SUSD4: variants seen among roughly 807,000 people sequenced by gnomAD.
SUSD4 encodes sushi domain-containing protein 4.
In SUSD4, 41 loss-of-function variants were observed where a neutral mutation model predicts 50.5. The observed-to-expected ratio is 0.81, with a 90% CI of 0.63 to 1.05. The LOEUF (loss-of-function observed/expected upper bound fraction) is 1.05, where lower values mean the gene tolerates loss of function less well. SUSD4 is among the 50% of genes least tolerant of loss of function. The pLI, the probability that SUSD4 is intolerant of heterozygous loss-of-function variation, is 0.00. For missense variants in SUSD4, 580 were observed against 634.7 expected (o/e 0.91, Z 0.93); for synonymous variants, 257 against 257.3 (o/e 1.00, Z 0.01).
At chr1:223,232,069 A>C (rs983949227) in intron 5 of SUSD4, among the ~76,000 whole-genome samples, 1 of 152,250 alleles carries the variant, frequency 6.6e-6, no homozygotes, top group African/African-American at 2.4e-5. Flanking sequence ...AACCAGGCAC[A>C]GAAAGACAAG....
intron 2 of SUSD4, among the ~76,000 whole-genome samples, chr1:223,295,813 G>A (rs1558225230): frequency 6.6e-6 from 1 of 151,094 alleles, no homozygotes; most frequent in Admixed American, 6.6e-5. Flanking sequence ...TGCACTTTGT[G>A]CACATGTACC....
chr1:223,302,955 C>T (rs902883129), intron 2 of SUSD4, among the ~76,000 whole-genome samples: 6 of 152,146 alleles, frequency 3.9e-5, no homozygotes, highest in African/African-American at 9.7e-5. Context: ...CTCGGCAACA[C>T]AACAAGACCA....
chr1:223,299,540 TAA>T (rs1191600063), intron 2 of SUSD4, among the ~76,000 whole-genome samples: 2 of 152,164 alleles, frequency 1.3e-5, no homozygotes, highest in African/African-American at 4.8e-5. Context: ...CACTTATATA[TAA>T]GAGATAGCCT....
At chr1:223,312,389 C>A (rs73122273) in intron 2 of SUSD4, among the ~76,000 whole-genome samples, 1 of 152,146 alleles carries the variant, frequency 6.6e-6, no homozygotes, top group Non-Finnish European at 1.5e-5. Context: ...ATCACTCACT[C>A]GGGCTCCTGG....
intron 3 of SUSD4, among the ~76,000 whole-genome samples, chr1:223,282,943 G>A: frequency 6.6e-6 from 1 of 152,162 alleles, no homozygotes. Flanking sequence ...CCACACATCT[G>A]CAACCATCTG....
In SUSD4 at chr1:223,229,101, G is replaced by A. The variant is rs72743891; in HGVS notation, c.916+96C>T. 22,262 of 1,249,362 alleles carry A rather than the reference G, an allele frequency of 0.018. 268 individuals are homozygous for A. The highest frequency in any genetic ancestry group is 0.022 in the Non-Finnish European group (19,460 of 895,236). The allele number at this position is 1,249,362 out of a possible 1,614,324, so 77.4% of individuals were successfully genotyped here. ...ATCCTGTTCCTGACACTGGGTGGGGGAGGAGAGATACAGCTTGGTACATAA... is the reference window on the plus strand; with the variant it reads ...ATCCTGTTCCTGACACTGGGTGGGGAAGGAGAGATACAGCTTGGTACATAA... On this transcript the variant is annotated intron_variant, in intron 6 of 8. Transcript: ENST00000366878. This position sits in a 1 kb window ranked among gnomAD's most constrained non-coding sequence, Gnocchi z 4.7.
chr1:223,304,264 G>C (rs922752451), intron 2 of SUSD4, among the ~76,000 whole-genome samples: 1 of 152,180 alleles, frequency 6.6e-6, no homozygotes, highest in Non-Finnish European at 1.5e-5. Flanking sequence ...GCTCTCTGCA[G>C]GGGGAAGCAC....
At chr1:223,349,198 A>G (rs1489545442) in intron 2 of SUSD4, among the ~76,000 whole-genome samples, 1 of 152,204 alleles carries the variant, frequency 6.6e-6, no homozygotes, top group African/African-American at 2.4e-5. Flanking sequence ...AACAAAGAAA[A>G]TGTTTTGAGT....
intron 3 of SUSD4, among the ~76,000 whole-genome samples, chr1:223,274,877 G>A (rs558733378): frequency 1.3e-5 from 2 of 151,524 alleles, no homozygotes; most frequent in African/African-American, 4.8e-5. Flanking sequence ...TTTTTTTTCT[G>A]GCCACAATGA....
At chr1:223,269,337 G>C (rs1198521505) in intron 3 of SUSD4, among the ~76,000 whole-genome samples, 2 of 152,204 alleles carry the variant, frequency 1.3e-5, no homozygotes, top group African/African-American at 4.8e-5. Flanking sequence ...ACGTTTATAG[G>C]AGAAGAGGCA....
chr1:223,363,569 C>T (rs1182758267), intron 1 of SUSD4, 109 bp from the exon 2 acceptor site: 1 of 1,277,000 alleles, frequency 7.8e-7, no homozygotes, highest in African/African-American at 1.5e-5. Context: ...AGGCTCCATC[C>T]TGGTTCCTCC....
chr1:223,326,575 G>C (rs1467111811), intron 2 of SUSD4, among the ~76,000 whole-genome samples: 2 of 152,010 alleles, frequency 1.3e-5, no homozygotes, highest in Non-Finnish European at 2.9e-5. Flanking sequence ...CAGAATGAAA[G>C]AAAATATTTG....
chr1:223,279,853 C>G (rs567722248), intron 3 of SUSD4, among the ~76,000 whole-genome samples: 1 of 152,256 alleles, frequency 6.6e-6, no homozygotes, highest in East Asian at 1.9e-4. Context: ...GTTAGGTTAC[C>G]CACAAAGGGA....
intron 2 of SUSD4, among the ~76,000 whole-genome samples, chr1:223,344,555 C>A (rs530379758): frequency 6.6e-6 from 1 of 152,100 alleles, no homozygotes; most frequent in African/African-American, 2.4e-5. Flanking sequence ...TGCTCACCCC[C>A]GAGAAAAGCT....
intron 2 of SUSD4, among the ~76,000 whole-genome samples, chr1:223,306,969 G>GC (rs928849436): frequency 6.6e-6 from 1 of 151,110 alleles, no homozygotes; most frequent in African/African-American, 2.4e-5. Context: ...TTTTGGGGGG[G>GC]GGTGTCCCTT....
At chr1:223,276,196 C>T (rs1663255824) in intron 3 of SUSD4, among the ~76,000 whole-genome samples, 1 of 152,226 alleles carries the variant, frequency 6.6e-6, no homozygotes, top group South Asian at 2.1e-4. Context: ...GGAAATCCCC[C>T]CAAGTCAGTT....
chr1:223,310,408 C>T (rs748497388), intron 2 of SUSD4, among the ~76,000 whole-genome samples: 12 of 152,136 alleles, frequency 7.9e-5, no homozygotes, highest in Non-Finnish European at 1.8e-4. Context: ...AAAACAATTC[C>T]TAACAGTCTA....
chr1:223,350,157 A>G (rs1668275796), intron 2 of SUSD4, among the ~76,000 whole-genome samples: 1 of 152,302 alleles, frequency 6.6e-6, no homozygotes, highest in Admixed American at 6.5e-5. Context: ...GACAAAATTT[A>G]ATTTCCATCG....
At chr1:223,351,230 C>T (rs1306287911) in intron 2 of SUSD4, among the ~76,000 whole-genome samples, 1 of 152,212 alleles carries the variant, frequency 6.6e-6, no homozygotes, top group Non-Finnish European at 1.5e-5. Flanking sequence ...CCCTTATTTC[C>T]CCTCATCTCT....
Sources: gnomAD v4.1 joint callset for allele counts (sites outside exome capture counted in the v4.1 genomes callset) on GRCh38, gnomAD v4.1.1 for gene constraint, Gnocchi (gnomAD v3.1) non-coding constraint, MANE v1.5 for transcripts, NCBI Gene and HGNC (gene_info 2026-07-23, HGNC 2026-07-21) for gene names.